DOCK4: variants seen among roughly 807,000 people sequenced by gnomAD.
DOCK4 encodes dedicator of cytokinesis protein 4.
Under a neutral mutation model 268.1 loss-of-function variants are expected in DOCK4, and 97 were observed. The ratio of observed to expected loss-of-function variants is 0.36; its 90% CI spans 0.31 to 0.43. The LOEUF (loss-of-function observed/expected upper bound fraction) is 0.43, where lower values mean the gene tolerates loss of function less well. Among genes scored for constraint, DOCK4 ranks in the 20% least tolerant of loss-of-function variants. The pLI is 1.00. For synonymous variants in DOCK4, 954 were observed against 887.2 expected, an observed-to-expected ratio of 1.08 and a Z score of -1.34; for missense variants, 2,145 against 2,455.7, an observed-to-expected ratio of 0.87 and a Z score of 2.67.
intron 1 of DOCK4, among the ~76,000 whole-genome samples, chr7:112,107,441 C>T (rs1811234769): frequency 6.6e-6 from 1 of 152,160 alleles, no homozygotes; most frequent in Admixed American, 6.5e-5. Context: ...AGAGAGAAAG[C>T]AGCTGTCTGC....
At chr7:111,777,182 G>C (rs1420309846) in intron 36 of DOCK4, among the ~76,000 whole-genome samples, 1 of 152,186 alleles carries the variant, frequency 6.6e-6, no homozygotes, top group Non-Finnish European at 1.5e-5. Flanking sequence ...TCAGAACACA[G>C]TGGAATTATA....
At chr7:112,014,254 C>T (rs1265328036) in intron 1 of DOCK4, among the ~76,000 whole-genome samples, 2 of 152,184 alleles carry the variant, frequency 1.3e-5, no homozygotes, top group Non-Finnish European at 2.9e-5. Flanking sequence ...CTTGGTCATT[C>T]AATTAGCACT....
chr7:112,168,234 A>C (rs886329816), intron 1 of DOCK4, among the ~76,000 whole-genome samples: 1 of 152,226 alleles, frequency 6.6e-6, no homozygotes, highest in Non-Finnish European at 1.5e-5. Context: ...AAAATGTTGC[A>C]TGATTCAAAT....
chr7:112,203,826 TACACACACACACACACACACACACAC>T (rs3056587), intron 1 of DOCK4, among the ~76,000 whole-genome samples: 3 of 146,894 alleles, frequency 2.0e-5, no homozygotes, highest in African/African-American at 7.5e-5. Context: ...AAAATTTCAC[TACACACACACACACACACACACACAC>T]ACACACACAC....
At chr7:111,870,101 A>C (rs1377063158) in intron 20 of DOCK4, among the ~76,000 whole-genome samples, 2 of 152,120 alleles carry the variant, frequency 1.3e-5, no homozygotes, top group Non-Finnish European at 2.9e-5. Flanking sequence ...ATGCCTCCCC[A>C]CTGCTATGCA....
chr7:112,205,636 A>G (rs1048863404), intron 1 of DOCK4, among the ~76,000 whole-genome samples: 1 of 151,926 alleles, frequency 6.6e-6, no homozygotes, highest in Non-Finnish European at 1.5e-5. Flanking sequence ...GCGCCTCCCT[A>G]CTGTTTTGGG....
At chr7:111,976,155 A>ATATATATATAT (rs1378581490) in intron 8 of DOCK4, among the ~76,000 whole-genome samples, 47 of 73,490 alleles carry the variant, frequency 6.4e-4, no homozygotes, top group East Asian at 4.8e-3. Flanking sequence ...AAAAAAAAAA[A>ATATATATATAT]AAAAAAATAT....
At chr7:112,125,029 C>T (rs922273820) in intron 1 of DOCK4, among the ~76,000 whole-genome samples, 1 of 151,928 alleles carries the variant, frequency 6.6e-6, no homozygotes, top group Non-Finnish European at 1.5e-5. Context: ...CAAGCATGGC[C>T]CTAAAGCACT....
At chr7:112,168,768 G>A (rs1323654750) in intron 1 of DOCK4, among the ~76,000 whole-genome samples, 1 of 152,130 alleles carries the variant, frequency 6.6e-6, no homozygotes, top group Non-Finnish European at 1.5e-5. Context: ...GCTGACCATG[G>A]CTGATGAAGA....
chr7:111,799,988 C>T (rs972750770), intron 30 of DOCK4, among the ~76,000 whole-genome samples: 3 of 152,054 alleles, frequency 2.0e-5, no homozygotes, highest in Non-Finnish European at 2.9e-5. Context: ...AATATTTTGC[C>T]TGATTATCAT....
Position 112,009,962 on chromosome 7 carries a change from G to A in DOCK4, c.38-5831C>T, listed in dbSNP as rs1467985320. On this transcript the variant is annotated intron_variant, in intron 1 of 52. Coordinates refer to ENST00000428084, the MANE Select transcript of DOCK4 (RefSeq NM_001363540.2). ...CTCCTCAGTAGCTCGGACTGAAAGC[G>A]TTCGCCACCACACCTGGCTAATGTT... is the stretch of plus-strand genomic sequence containing the variant. Among the ~76,000 whole-genome samples the A allele has an allele frequency of 3.3e-5, 5 of 152,168 alleles. No individual in the cohort carries two copies. In the East Asian group the frequency reaches 5.8e-4, roughly 18 times the overall value.
At chr7:111,889,976 C>T (rs1201572633) in intron 16 of DOCK4, among the ~76,000 whole-genome samples, 1 of 152,138 alleles carries the variant, frequency 6.6e-6, no homozygotes, top group Non-Finnish European at 1.5e-5. Flanking sequence ...TTTACAAAAC[C>T]CCAACTTCTC....
chr7:111,935,395 C>G (rs745642109), intron 12 of DOCK4, 145 bp downstream of exon 12: 3 of 725,756 alleles, frequency 4.1e-6, no homozygotes, highest in East Asian at 5.3e-5. Context: ...GGAAGACATA[C>G]CAGAATGTTC....
Position 111,846,888 on chromosome 7 carries a change from A to G in DOCK4, c.2601+111T>C. ...AAAAGTCCAGCCCAGCTGGAAATAA[A>G]AGTGGGTCTCAGAGGCTTCCTCTTT... On this transcript the variant is annotated intron_variant, in intron 24 of 52. Transcript: ENST00000428084. The G allele has an allele frequency of 9.6e-6, 12 of 1,251,200 alleles. No homozygotes were observed. The South Asian group carries it at 2.5e-4, about 26-fold the overall frequency. 77.5% of individuals were successfully genotyped at this position (1,251,200 alleles called of 1,614,324 possible). A position where few individuals can be genotyped will look rare whatever the true frequency, so the allele number is the denominator to read the frequency against.
At chr7:111,905,780 T>C (rs971617729) in intron 13 of DOCK4, among the ~76,000 whole-genome samples, 2 of 151,952 alleles carry the variant, frequency 1.3e-5, no homozygotes, top group African/African-American at 2.4e-5. Flanking sequence ...CAAATAAAAT[T>C]TCCTGTCCTT....
At position 111,760,296 on chromosome 7, in the gene DOCK4, A is replaced by G; in HGVS notation, c.4047T>C (p.His1349=). 1 of 1,613,908 alleles carries G rather than the reference A, an allele frequency of 6.2e-7. No individual in the cohort carries two copies. Among genetic ancestry groups the G allele is most frequent in the South Asian group, 1.1e-5 (1 of 91,084 alleles). ...GGAAGGCTTCCAGCCTCTCGTAGTC[A>G]TGCCCTCGACACACAAACTCCTTAT... ...LRNKEFVCRG[H]DYERLEAFQQ... Residue 1349 remains histidine, a synonymous_variant, in exon 40 of 53, where the codon CAT becomes CAC. Transcript: ENST00000428084.
intron 23 of DOCK4, among the ~76,000 whole-genome samples, chr7:111,847,857 C>T (rs570841631): frequency 6.6e-5 from 10 of 152,288 alleles, no homozygotes; most frequent in African/African-American, 2.4e-4. Context: ...AATACACTCC[C>T]TTTTCTCCCC....
At chr7:111,940,735 C>A (rs1795139891) in intron 10 of DOCK4, among the ~76,000 whole-genome samples, 2 of 152,158 alleles carry the variant, frequency 1.3e-5, no homozygotes, top group African/African-American at 4.8e-5. Context: ...TCAGGCTGTT[C>A]AGAACTCAGT....
chr7:111,976,406 T>C (rs970332894), intron 8 of DOCK4: 2 of 148,164 alleles, frequency 1.3e-5, no homozygotes, highest in African/African-American at 5.0e-5. Flanking sequence ...GTGTGATTTG[T>C]GTGATTCAAT....
Sources: allele counts gnomAD v4.1 joint callset (sites outside exome capture counted in the v4.1 genomes callset), GRCh38; gene constraint gnomAD v4.1.1; transcripts MANE v1.5; gene names NCBI Gene and HGNC (gene_info 2026-07-23, HGNC 2026-07-21).